The following FHIT variants were observed in gnomAD, a reference collection of about 807,000 sequenced individuals.
The protein encoded by FHIT is bis(5'-adenosyl)-triphosphatase.
In FHIT, 19 loss-of-function variants were observed where a neutral mutation model predicts 17.9. The observed-to-expected ratio is 1.06, with a 90% confidence interval of 0.74 to 1.56. The LOEUF (loss-of-function observed/expected upper bound fraction) is 1.56, where lower values mean the gene tolerates loss of function less well. Ranked by LOEUF, FHIT falls within the 40% of genes most tolerant of loss-of-function variation. The pLI, the probability that FHIT is intolerant of heterozygous loss-of-function variation, is 0.00. For synonymous variants in FHIT, 81 were observed against 69.7 expected (o/e 1.16, Z -0.81); for missense variants, 248 against 189.2 (o/e 1.31, Z -1.82).
At chr3:60,263,438 C>T (rs996503111) in intron 5 of FHIT, among the ~76,000 whole-genome samples, 1 of 151,882 alleles carries the variant, frequency 6.6e-6, no homozygotes, top group Admixed American at 6.6e-5. Context: ...GTAGACACAA[C>T]CTAAATGTCC....
At chr3:60,649,019 T>C (rs564789980) in intron 4 of FHIT, among the ~76,000 whole-genome samples, 24 of 152,348 alleles carry the variant, frequency 1.6e-4, no homozygotes, top group African/African-American at 4.6e-4. Context: ...ACATATATGT[T>C]ATATATTATT....
chr3:59,999,844 G>C (rs1223419751), intron 7 of FHIT, among the ~76,000 whole-genome samples: 1 of 152,100 alleles, frequency 6.6e-6, no homozygotes, highest in Admixed American at 6.6e-5. Context: ...CTGACCTCAG[G>C]TAATCCGCCC....
intron 4 of FHIT, among the ~76,000 whole-genome samples, chr3:60,729,653 A>T (rs1033974816): frequency 6.6e-6 from 1 of 152,204 alleles, no homozygotes; most frequent in Non-Finnish European, 1.5e-5. Context: ...GAATGAGGGA[A>T]TACACAGAAT....
At chr3:60,608,490 G>A (rs1485070014) in intron 4 of FHIT, among the ~76,000 whole-genome samples, 2 of 152,178 alleles carry the variant, frequency 1.3e-5, no homozygotes, top group East Asian at 1.9e-4. Flanking sequence ...CAGAGGTTCA[G>A]TCCAGCTCTC....
At chr3:60,650,047 G>C (rs1211989794) in intron 4 of FHIT, among the ~76,000 whole-genome samples, 6 of 152,182 alleles carry the variant, frequency 3.9e-5, no homozygotes, top group African/African-American at 1.4e-4. Flanking sequence ...TTATGTTCTG[G>C]GGGCCAGAAA....
At chr3:59,959,311 G>C (rs1707554747) in intron 7 of FHIT, among the ~76,000 whole-genome samples, 1 of 152,164 alleles carries the variant, frequency 6.6e-6, no homozygotes, top group Non-Finnish European at 1.5e-5. Context: ...ACTATGACAA[G>C]ATACTAAGAA....
intron 1 of FHIT, among the ~76,000 whole-genome samples, chr3:61,216,783 G>T (rs1032833511): frequency 1.3e-5 from 2 of 152,168 alleles, no homozygotes; most frequent in Non-Finnish European, 2.9e-5. Context: ...AGAAAATGTG[G>T]CACATATATA....
At chr3:60,579,620 C>T (rs1286034039) in intron 4 of FHIT, among the ~76,000 whole-genome samples, 2 of 152,076 alleles carry the variant, frequency 1.3e-5, no homozygotes, top group Non-Finnish European at 1.5e-5. Flanking sequence ...TATATATACA[C>T]ACACATATAA....
At chr3:60,498,139 T>C (rs1387203016) in intron 5 of FHIT, among the ~76,000 whole-genome samples, 2 of 152,196 alleles carry the variant, frequency 1.3e-5, no homozygotes, top group African/African-American at 4.8e-5. Flanking sequence ...CTCCAAGCCA[T>C]AGTTTCGCCA....
At chr3:59,779,497 A>G (rs1421390549) in intron 8 of FHIT, among the ~76,000 whole-genome samples, 3 of 152,214 alleles carry the variant, frequency 2.0e-5, no homozygotes, top group African/African-American at 7.2e-5. Flanking sequence ...TCCATTTGCC[A>G]TTAACATAAA....
chr3:60,785,153 C>A (rs1243093412), intron 4 of FHIT, among the ~76,000 whole-genome samples: 1 of 152,100 alleles, frequency 6.6e-6, no homozygotes, highest in African/African-American at 2.4e-5. Context: ...ATAACTAAAG[C>A]TAGAATTCTT....
chr3:60,443,348 G>C (rs1222536275), intron 5 of FHIT, among the ~76,000 whole-genome samples: 6 of 152,104 alleles, frequency 3.9e-5, no homozygotes, highest in Non-Finnish European at 8.8e-5. Context: ...TCTGTCTTGT[G>C]CCAGTTTTCA....
At chr3:60,892,286 CAT>C (rs1705556156) in intron 3 of FHIT, among the ~76,000 whole-genome samples, 1 of 152,118 alleles carries the variant, frequency 6.6e-6, no homozygotes, top group Non-Finnish European at 1.5e-5. Flanking sequence ...TAAGCAAGCC[CAT>C]AGCCTCCCCT....
chr3:60,872,911 C>T lies in FHIT; in HGVS notation c.-110-50900G>A, dbSNP rs561269550. On this transcript the variant is annotated intron_variant, in intron 3 of 9. Transcript: ENST00000492590. ...AGAGTTTTGCCTTTGAGTTCATAGACAAAGATGCTTAAATTGTTCCCCGTT... is the reference window on the plus strand; with the variant it reads ...AGAGTTTTGCCTTTGAGTTCATAGATAAAGATGCTTAAATTGTTCCCCGTT... Among the ~76,000 whole-genome samples, 11 of 152,116 alleles carry T rather than the reference C, an allele frequency of 7.2e-5. No homozygotes were observed. In the South Asian group the frequency reaches 2.1e-3, roughly 29 times the overall value.
At chr3:60,659,628 T>A (rs1239336528) in intron 4 of FHIT, among the ~76,000 whole-genome samples, 2 of 152,300 alleles carry the variant, frequency 1.3e-5, no homozygotes, top group African/African-American at 4.8e-5. Context: ...TTTTACTTTT[T>A]CTGAATCTCT....
chr3:59,979,380 T>A (rs1708551504), intron 7 of FHIT, among the ~76,000 whole-genome samples: 1 of 152,162 alleles, frequency 6.6e-6, no homozygotes, highest in Non-Finnish European at 1.5e-5. Flanking sequence ...ATATTTTGCA[T>A]GTGTTTCCAT....
intron 5 of FHIT, among the ~76,000 whole-genome samples, chr3:60,530,765 T>G (rs1314925746): frequency 1.3e-5 from 2 of 151,984 alleles, no homozygotes; most frequent in East Asian, 1.9e-4. Context: ...ACAATGGGAG[T>G]TGGCAGGATT....
chr3:60,587,958 T>C (rs868955739), intron 4 of FHIT, among the ~76,000 whole-genome samples: 1 of 139,796 alleles, frequency 7.2e-6, no homozygotes, highest in South Asian at 2.1e-4. Flanking sequence ...CCCCTTCTCC[T>C]TTTTTTTTTC....
At chr3:60,157,506 T>C (rs1700754390) in intron 5 of FHIT, among the ~76,000 whole-genome samples, 1 of 152,170 alleles carries the variant, frequency 6.6e-6, no homozygotes, top group African/African-American at 2.4e-5. Context: ...ATAGCTCTTG[T>C]ATTAGCATCC....
Sources: allele counts gnomAD v4.1 joint callset (sites outside exome capture counted in the v4.1 genomes callset), GRCh38; gene constraint gnomAD v4.1.1; transcripts MANE v1.5; gene names NCBI Gene and HGNC (gene_info 2026-07-23, HGNC 2026-07-21).